The following JAK1 variants were observed in gnomAD, a reference collection of about 807,000 sequenced individuals.
JAK1 encodes tyrosine-protein kinase JAK1.
A neutral mutation model predicts 136.6 loss-of-function variants in JAK1; 16 were observed. That is an observed-to-expected ratio of 0.12 (90% CI 0.08 to 0.18). The LOEUF is 0.18. Ranked by LOEUF, JAK1 falls within the 10% of genes least tolerant of loss-of-function variation. The pLI, the probability that JAK1 is intolerant of heterozygous loss-of-function variation, is 1.00. For synonymous variants in JAK1, 492 were observed against 519.5 expected (o/e 0.95, Z 0.72); for missense variants, 859 against 1,450.1 (o/e 0.59, Z 6.62).
chr1:64,985,924 AC>A (rs769550626), intron 2 of JAK1: 7 of 830,626 alleles, frequency 8.4e-6, no homozygotes, highest in Non-Finnish European at 1.4e-5. Flanking sequence ...GACAAGCACA[AC>A]ATCTCAGAGG....
chr1:64,869,428 T>A lies in JAK1; in HGVS notation c.530A>T (p.Lys177Met). ...VKCLAPIRDP[K>M]TEQDGHDIEN... Reference sequence around the variant, plus strand: ...AATATCATGTCCATCCTGCTCGGTCTTGGGGTCTCGAATAGGAGCCAGGCA... The same window carrying A: ...AATATCATGTCCATCCTGCTCGGTCATGGGGTCTCGAATAGGAGCCAGGCA... Residue 177 changes from lysine to methionine, a missense_variant, in exon 6 of 25, where the codon AAG becomes ATG. Coordinates refer to ENST00000342505, the MANE Select transcript of JAK1 (RefSeq NM_002227.4). 6.2e-7 allele frequency: 1 copy of A among 1,614,024 alleles called. No homozygotes were observed. The highest frequency in any genetic ancestry group is 8.5e-7 in the Non-Finnish European group (1 of 1,179,946).
At chr1:65,055,548 G>A (rs1299337050) in intron 1 of JAK1, among the ~76,000 whole-genome samples, 1 of 152,136 alleles carries the variant, frequency 6.6e-6, no homozygotes, top group African/African-American at 2.4e-5. Flanking sequence ...GGTATTCCTA[G>A]GTTTAATTGC....
At chr1:65,049,476 A>G (rs1203393108) in intron 1 of JAK1, among the ~76,000 whole-genome samples, 1 of 152,088 alleles carries the variant, frequency 6.6e-6, no homozygotes, top group Non-Finnish European at 1.5e-5. Context: ...AAGACTACAC[A>G]AAAACTCACT....
intron 1 of JAK1, among the ~76,000 whole-genome samples, chr1:64,929,299 T>C (rs186518823): frequency 1.7e-4 from 26 of 152,362 alleles, no homozygotes; most frequent in Non-Finnish European, 5.9e-5. Flanking sequence ...AAAGTATTTG[T>C]TAAACAGTGT....
At chr1:64,841,424 G>A (rs374810130) in intron 18 of JAK1, 27 bp downstream of exon 18, 2 of 1,614,018 alleles carry the variant, frequency 1.2e-6, no homozygotes, top group Non-Finnish European at 1.7e-6. Context: ...CCCAAGCTGG[G>A]TTAAAGCAGC....
At chr1:64,930,168 A>G (rs1645663116) in intron 1 of JAK1, among the ~76,000 whole-genome samples, 1 of 152,326 alleles carries the variant, frequency 6.6e-6, no homozygotes, top group Non-Finnish European at 1.5e-5. Context: ...TAATTAAACT[A>G]AAGAGCTTCT....
intron 10 of JAK1, 82 bp downstream of exon 10, chr1:64,857,574 C>G (rs1296626490): frequency 1.3e-6 from 2 of 1,562,188 alleles, no homozygotes; most frequent in Admixed American, 3.6e-5. Context: ...AAGGGTGGTT[C>G]TGTCTGCAGC....
At chr1:64,926,147 G>A (rs1043729070) in intron 1 of JAK1, among the ~76,000 whole-genome samples, 2 of 152,052 alleles carry the variant, frequency 1.3e-5, no homozygotes, top group Admixed American at 6.6e-5. Flanking sequence ...TGAAAGCTTC[G>A]CAATGGCATC....
chr1:65,031,578 G>T (rs1647023977), intron 2 of JAK1, among the ~76,000 whole-genome samples: 1 of 152,132 alleles, frequency 6.6e-6, no homozygotes, highest in Non-Finnish European at 1.5e-5. Context: ...CATTATTAGG[G>T]CAATTAATGG....
At chr1:64,902,577 A>AGT (rs1351832703) in intron 1 of JAK1, among the ~76,000 whole-genome samples, 21 of 40,588 alleles carry the variant, frequency 5.2e-4, no homozygotes, top group African/African-American at 9.7e-4. Context: ...AGAGAGAGAG[A>AGT]GAGAGAGTGT....
Position 64,841,352 on chromosome 1 carries a change from A to AAAAG in JAK1, c.2555-17_2555-14dup. ...ACAATATCTGGATCTAACAGAAGAG[A>AAAAG]AAAGAAAACAGAGTGAAAGGCAGTC... On this transcript the variant is annotated splice_polypyrimidine_tract_variant and intron_variant, in intron 18 of 24. Transcript: ENST00000342505. 1 of 1,613,148 alleles carries AAAAG rather than the reference A, an allele frequency of 6.2e-7. No homozygotes were observed. Among genetic ancestry groups the AAAAG allele is most frequent in the Non-Finnish European group, 8.5e-7 (1 of 1,179,116 alleles).
intron 1 of JAK1, among the ~76,000 whole-genome samples, chr1:65,059,853 G>A (rs1188144361): frequency 6.6e-6 from 1 of 152,048 alleles, no homozygotes; most frequent in Non-Finnish European, 1.5e-5. Context: ...TTAGATATTA[G>A]CACTGTACTT....
At chr1:64,921,546 A>G (rs1352126063) in intron 1 of JAK1, among the ~76,000 whole-genome samples, 1 of 152,160 alleles carries the variant, frequency 6.6e-6, no homozygotes, top group Non-Finnish European at 1.5e-5. Context: ...AAAGAAACAG[A>G]GATTCAGAGA....
intron 5 of JAK1, 91 bp downstream of exon 5, chr1:64,873,279 C>T (rs1657184946): frequency 6.7e-7 from 1 of 1,495,554 alleles, no homozygotes; most frequent in Non-Finnish European, 9.3e-7. Flanking sequence ...CACTCTAGCA[C>T]CACCAAGTTC....
Position 64,864,886 on chromosome 1 carries a change from G to C in JAK1, c.1077C>G (p.Ile359Met), listed in dbSNP as rs376472861. The change falls in exon 8 of 25, where the codon ATC becomes ATG. Residue 359 changes from isoleucine (I) to methionine (M), a missense_variant. Around this residue, in one of 4 missense-constraint regions of JAK1, gnomAD observed 353 missense variants for 494.0 expected, o/e 0.71. Coordinates refer to ENST00000342505, the MANE Select transcript of JAK1 (RefSeq NM_002227.4). ...AAGAAAAATTGTTCCACTCTTCCCG[G>C]ATCTTGTTTTTCTCCTCATCCTTCT... The part of the protein sequence containing the change: ...KHKKDEEKNK[I>M]REEWNNFSYF... 117 of 1,613,704 alleles carry C rather than the reference G, an allele frequency of 7.3e-5. No individual in the cohort carries two copies. Among genetic ancestry groups the C allele is most frequent in the Non-Finnish European group, 9.8e-5 (116 of 1,179,750 alleles).
intron 2 of JAK1, among the ~76,000 whole-genome samples, chr1:65,040,759 C>A (rs1647124476): frequency 6.6e-6 from 1 of 152,024 alleles, no homozygotes; most frequent in Non-Finnish European, 1.5e-5. Context: ...TATAGAACAC[C>A]TATTATGTCC....
intron 1 of JAK1, among the ~76,000 whole-genome samples, chr1:64,954,902 A>G (rs1315236947): frequency 6.6e-6 from 1 of 152,214 alleles, no homozygotes; most frequent in Non-Finnish European, 1.5e-5. Flanking sequence ...TTTTCTCTTT[A>G]TATAAAAGAA....
intron 2 of JAK1, among the ~76,000 whole-genome samples, chr1:64,988,954 A>ATATATG (rs1324288490): frequency 4.5e-5 from 6 of 132,154 alleles, no homozygotes; most frequent in African/African-American, 1.6e-4. Flanking sequence ...ATGTGTATAT[A>ATATATG]TATGTATGTA....
At chr1:64,911,492 A>G (rs770697818) in intron 1 of JAK1, among the ~76,000 whole-genome samples, 3 of 152,236 alleles carry the variant, frequency 2.0e-5, no homozygotes, top group Non-Finnish European at 4.4e-5. Flanking sequence ...GAGGCCAATA[A>G]CATTGTCTCC....
Sources: gnomAD v4.1 joint callset for allele counts (sites outside exome capture counted in the v4.1 genomes callset) on GRCh38, gnomAD v4.1.1 for gene constraint, gnomAD v4.1.1 regional missense constraint, MANE v1.5 for transcripts, NCBI Gene and HGNC (gene_info 2026-07-23, HGNC 2026-07-21) for gene names.